Variants in DOCK3 observed in about 807,000 individuals in gnomAD.
The protein encoded by DOCK3 is dedicator of cytokinesis protein 3.
DOCK3 carries 60 observed loss-of-function variants against 265.6 expected under a neutral mutation model. The observed-to-expected ratio is 0.23, with a 90% CI of 0.18 to 0.28. The LOEUF is 0.28. Among genes scored for constraint, DOCK3 ranks in the 10% least tolerant of loss-of-function variants. DOCK3 has a pLI of 1.00. For missense variants in DOCK3, 1,981 were observed against 2,594.3 expected, an observed-to-expected ratio of 0.76 and a Z score of 5.14; for synonymous variants, 881 against 938.0, an observed-to-expected ratio of 0.94 and a Z score of 1.11.
At chr3:50,760,561 G>A (rs1023380538) in intron 1 of DOCK3, among the ~76,000 whole-genome samples, 7 of 152,116 alleles carry the variant, frequency 4.6e-5, no homozygotes, top group African/African-American at 1.7e-4. Flanking sequence ...TGCAGCTGTA[G>A]GCTAATTGAA....
At position 51,283,017 on chromosome 3, in the gene DOCK3, G is replaced by A. The variant is rs187949270; in HGVS notation, c.2922+2813G>A. 5.3e-5 allele frequency among the ~76,000 whole-genome samples: 8 copies of A among 152,330 alleles called. No individual in the cohort carries two copies. The East Asian group carries it at 1.2e-3, about 22-fold the overall frequency. ...ATCAAGTAGGATTTATCCCAGAAAT[G>A]CAAGTTTAGCTTAACATGTGAAAAT... On this transcript the variant is annotated intron_variant, in intron 27 of 52. Transcript: ENST00000266037.
intron 2 of DOCK3, among the ~76,000 whole-genome samples, chr3:50,839,954 A>G (rs1358261444): frequency 6.6e-6 from 1 of 151,138 alleles, no homozygotes; most frequent in African/African-American, 2.4e-5. Context: ...TTTTTAGTAG[A>G]GATGGGGTTT....
At chr3:51,155,238 G>C (rs1330818499) in intron 10 of DOCK3, among the ~76,000 whole-genome samples, 2 of 151,986 alleles carry the variant, frequency 1.3e-5, no homozygotes, top group Non-Finnish European at 2.9e-5. Flanking sequence ...CTCCCAAAGT[G>C]CTGGGATTAC....
intron 1 of DOCK3, among the ~76,000 whole-genome samples, chr3:50,720,234 A>T (rs1014941879): frequency 2.6e-5 from 4 of 151,632 alleles, no homozygotes; most frequent in African/African-American, 9.7e-5. Context: ...TTATTTCGTC[A>T]CCCAGGTAGT....
chr3:51,211,761 T>G (rs1307525673), intron 13 of DOCK3, among the ~76,000 whole-genome samples: 1 of 152,202 alleles, frequency 6.6e-6, no homozygotes, highest in Non-Finnish European at 1.5e-5. Context: ...AATCTATCAT[T>G]GATGGACACT....
intron 1 of DOCK3, among the ~76,000 whole-genome samples, chr3:50,690,468 T>C (rs1270373925): frequency 2.6e-5 from 4 of 152,122 alleles, no homozygotes; most frequent in African/African-American, 9.7e-5. Flanking sequence ...GCATTAAGTA[T>C]GTTCACATTG....
chr3:50,701,495 C>T (rs2036037518), intron 1 of DOCK3, among the ~76,000 whole-genome samples: 1 of 151,942 alleles, frequency 6.6e-6, no homozygotes, highest in Non-Finnish European at 1.5e-5. Flanking sequence ...AGTCACTTAT[C>T]AGATAAATAG....
chr3:50,814,039 C>T (rs1439606294), intron 2 of DOCK3, among the ~76,000 whole-genome samples: 2 of 151,980 alleles, frequency 1.3e-5, no homozygotes, highest in Non-Finnish European at 1.5e-5. Flanking sequence ...GAGTGGGTAC[C>T]TGGCCTTATT....
chr3:51,322,471 A>G (rs1223411479), intron 32 of DOCK3, among the ~76,000 whole-genome samples: 1 of 152,146 alleles, frequency 6.6e-6, no homozygotes, highest in Non-Finnish European at 1.5e-5. Flanking sequence ...CCAAAATGCT[A>G]GGATTACAGG....
rs575147884 is a variant in DOCK3, at chr3:50,723,753, A to T, written c.37+48453A>T. ...TAAAACCATAAAAACCCTAGAAGAA[A>T]ACCTAGGCAATGCCATTCAGGACAT... On this transcript the variant is annotated intron_variant, in intron 1 of 52. Transcript: ENST00000266037. 3.3e-5 allele frequency among the ~76,000 whole-genome samples: 5 copies of T among 152,302 alleles called. No homozygotes were observed. The East Asian group carries it at 9.6e-4, about 29-fold the overall frequency.
At chr3:51,287,618 A>C (rs1016995682) in intron 27 of DOCK3, among the ~76,000 whole-genome samples, 1 of 152,202 alleles carries the variant, frequency 6.6e-6, no homozygotes, top group Admixed American at 6.5e-5. Context: ...AAATTAAAAA[A>C]TTAAAAGTCA....
chr3:50,911,095 C>T (rs548028493), intron 4 of DOCK3, among the ~76,000 whole-genome samples: 2 of 151,996 alleles, frequency 1.3e-5, no homozygotes, highest in East Asian at 3.9e-4. Flanking sequence ...AAATATTTCC[C>T]CCTTTCTATA....
chr3:51,093,786 A>G (rs967672458), intron 9 of DOCK3, among the ~76,000 whole-genome samples: 14 of 152,210 alleles, frequency 9.2e-5, no homozygotes, highest in African/African-American at 2.9e-4. Context: ...CCCATTCAGT[A>G]TGATACTGGC....
chr3:50,960,821 G>A (rs1340867380), intron 5 of DOCK3, among the ~76,000 whole-genome samples: 1 of 151,892 alleles, frequency 6.6e-6, no homozygotes, highest in African/African-American at 2.4e-5. Flanking sequence ...TTTATATTTA[G>A]ACCTATAATC....
intron 6 of DOCK3, among the ~76,000 whole-genome samples, chr3:51,071,579 A>G (rs1251330070): frequency 2.0e-5 from 3 of 152,226 alleles, no homozygotes; most frequent in Non-Finnish European, 4.4e-5. Flanking sequence ...GCAATTTACA[A>G]TGCCAGGTAC....
At position 51,229,624 on chromosome 3, in the gene DOCK3, T is replaced by C. The variant is rs758046247; in HGVS notation, c.1917+15T>C. On this transcript the variant is annotated intron_variant, in intron 19 of 52. Coordinates refer to ENST00000266037, the MANE Select transcript of DOCK3 (RefSeq NM_004947.5). The stretch of plus-strand genomic sequence containing the variant: ...AAATTGTTAAGGTATGTCTTCCATA[T>C]AATTTAAACATACTGCATGAGGAAG... 6.4e-6 allele frequency: 10 copies of C among 1,569,342 alleles called. No homozygotes were observed. Among genetic ancestry groups the C allele is most frequent in the Non-Finnish European group, 8.6e-6 (10 of 1,157,892 alleles).
intron 42 of DOCK3, 51 bp downstream of exon 42, chr3:51,356,306 G>A (rs2110277816): frequency 6.2e-7 from 1 of 1,612,326 alleles, no homozygotes; most frequent in South Asian, 1.1e-5. Context: ...CCAGGGGCAA[G>A]CTCAACTTCC....
chr3:50,739,119 TCTA>T (rs1266039404), intron 1 of DOCK3, among the ~76,000 whole-genome samples: 1 of 152,192 alleles, frequency 6.6e-6, no homozygotes, highest in African/African-American at 2.4e-5. Flanking sequence ...TATTCTCTAA[TCTA>T]CTAGTTTCCT....
rs1284696381 is a variant in DOCK3, at chr3:51,260,340, A to G, written c.2355+14A>G. The G allele has an allele frequency of 5.0e-6, 8 of 1,594,272 alleles. No individual in the cohort carries two copies. Among genetic ancestry groups the G allele is most frequent in the South Asian group, 2.3e-5 (2 of 88,280 alleles). On this transcript the variant is annotated intron_variant, in intron 23 of 52. Transcript: ENST00000266037. ...CTTTTTACTCAGGTTCGCACACTGC[A>G]GGGAAGCTTTGATGCTGGGTTCCTC...
Sources: gnomAD v4.1 joint callset for allele counts (sites outside exome capture counted in the v4.1 genomes callset) on GRCh38, gnomAD v4.1.1 for gene constraint, MANE v1.5 for transcripts, NCBI Gene and HGNC (gene_info 2026-07-23, HGNC 2026-07-21) for gene names.